AREL1: variants seen among roughly 807,000 people sequenced by gnomAD.
The protein encoded by AREL1 is apoptosis resistant E3 ubiquitin protein ligase 1, also known as apoptosis-resistant E3 ubiquitin protein ligase 1.
A neutral mutation model predicts 99.0 loss-of-function variants in AREL1; 62 were observed. The observed-to-expected ratio is 0.63, with a 90% CI of 0.51 to 0.77. The LOEUF is 0.77. Among genes scored for constraint, AREL1 ranks in the 30% least tolerant of loss-of-function variants. The pLI, the probability that AREL1 is intolerant of heterozygous loss-of-function variation, is 0.00. For missense variants in AREL1, 879 were observed against 1,027.6 expected (o/e 0.86, Z 1.98); for synonymous variants, 380 against 376.5 (o/e 1.01, Z -0.11).
At chr14:74,684,081 A>G (rs1050454357) in intron 4 of AREL1, among the ~76,000 whole-genome samples, 4 of 152,200 alleles carry the variant, frequency 2.6e-5, no homozygotes, top group African/African-American at 9.7e-5. Flanking sequence ...CAACTGTCAT[A>G]ACTACTCAGG....
Position 74,676,564 on chromosome 14 carries a change from A to C in AREL1, c.651+19T>G. The C allele has an allele frequency of 6.2e-7, 1 of 1,608,730 alleles. No homozygotes were observed. The highest frequency in any genetic ancestry group is 8.5e-7 in the Non-Finnish European group (1 of 1,177,732). ...GCCAGCTCTCTCTAGCACACAGATA[A>C]AGAAGGGAGACTGCTTACCTCATGA... On this transcript the variant is annotated intron_variant, in intron 6 of 19. Coordinates refer to ENST00000356357, the MANE Select transcript of AREL1 (RefSeq NM_001039479.2).
intron 17 of AREL1, among the ~76,000 whole-genome samples, chr14:74,666,718 A>ATTT (rs71449202): frequency 7.6e-6 from 1 of 132,002 alleles, no homozygotes; most frequent in African/African-American, 2.9e-5. Flanking sequence ...CTACTCATTG[A>ATTT]TTTTTTTTTT....
intron 2 of AREL1, among the ~76,000 whole-genome samples, chr14:74,686,264 G>A (rs1263226226): frequency 6.6e-6 from 1 of 152,168 alleles, no homozygotes; most frequent in African/African-American, 2.4e-5. Flanking sequence ...GAGCTCAGCA[G>A]AAAGACCAAG....
intron 1 of AREL1, among the ~76,000 whole-genome samples, chr14:74,703,508 T>C (rs1373769015): frequency 3.3e-5 from 5 of 152,188 alleles, no homozygotes; most frequent in Non-Finnish European, 5.9e-5. Context: ...GAATTAAACA[T>C]GTTAAGTTTG....
At chr14:74,676,835 C>T (rs531616123) in intron 5 of AREL1, 83 bp from the exon 6 acceptor site, 82 of 1,172,700 alleles carry the variant, frequency 7.0e-5, no homozygotes, top group South Asian at 3.4e-4. Context: ...CTCGCTCTTT[C>T]GCCCAGGCTG....
At chr14:74,693,351 G>A (rs1205106632) in intron 1 of AREL1, among the ~76,000 whole-genome samples, 1 of 152,198 alleles carries the variant, frequency 6.6e-6, no homozygotes, top group African/African-American at 2.4e-5. Flanking sequence ...GGGAAAATCT[G>A]TGAACTTTCA....
At chr14:74,681,887 A>AT (rs2089638252) in intron 5 of AREL1, among the ~76,000 whole-genome samples, 1 of 152,198 alleles carries the variant, frequency 6.6e-6, no homozygotes, top group African/African-American at 2.4e-5. Flanking sequence ...GACTGTATCA[A>AT]TGTCAATAAC....
At chr14:74,667,421 T>A in intron 16 of AREL1, 44 bp from the exon 17 acceptor site, 1 of 1,614,200 alleles carries the variant, frequency 6.2e-7, no homozygotes, top group African/African-American at 1.3e-5. Context: ...ACACCATGGA[T>A]ACAGGTATTT....
At chr14:74,683,573 G>A (rs1356683561) in intron 4 of AREL1, 40 bp from the exon 5 acceptor site, 13 of 1,589,564 alleles carry the variant, frequency 8.2e-6, no homozygotes, top group Admixed American at 5.1e-5. Context: ...AGCAAGCAGA[G>A]GAAAAAAACA....
At chr14:74,710,124 G>A (rs182865178) in intron 1 of AREL1, among the ~76,000 whole-genome samples, 9 of 152,216 alleles carry the variant, frequency 5.9e-5, no homozygotes, top group Admixed American at 3.3e-4. Flanking sequence ...TCCCAGCTTC[G>A]CATCCCCCAC....
intron 1 of AREL1, among the ~76,000 whole-genome samples, chr14:74,710,748 T>G (rs1409864122): frequency 6.6e-6 from 1 of 152,142 alleles, no homozygotes; most frequent in Non-Finnish European, 1.5e-5. Context: ...AAAAATTCAG[T>G]GCCCACAGAT....
chr14:74,712,684 C>G (rs1566710835), intron 1 of AREL1, among the ~76,000 whole-genome samples: 1 of 151,930 alleles, frequency 6.6e-6, no homozygotes, highest in Non-Finnish European at 1.5e-5. Flanking sequence ...GGTATATACT[C>G]GAGAACAATC....
At chr14:74,705,114 A>T (rs921975689) in intron 1 of AREL1, among the ~76,000 whole-genome samples, 3 of 151,166 alleles carry the variant, frequency 2.0e-5, no homozygotes, top group Non-Finnish European at 4.4e-5. Flanking sequence ...ATCTCGGCTC[A>T]CCGCAACCTC....
intron 14 of AREL1, 29 bp downstream of exon 14, chr14:74,669,918 T>C (rs776323663): frequency 1.3e-6 from 2 of 1,586,450 alleles, no homozygotes; most frequent in African/African-American, 1.4e-5. Context: ...CCAGGGGCCT[T>C]AGTAGGAAAT....
intron 1 of AREL1, among the ~76,000 whole-genome samples, chr14:74,696,467 G>C (rs2089981017): frequency 6.6e-6 from 1 of 151,984 alleles, no homozygotes. Flanking sequence ...TAGTATCTCG[G>C]GGACCAAATA....
In AREL1 at chr14:74,667,396, GT is replaced by G; in HGVS notation, c.2045-20del. On this transcript the variant is annotated intron_variant, in intron 16 of 19. Transcript: ENST00000356357. ...TTCAGGCCTGAAACAAAGTAGGCAA[GT>G]TAAAGTCATACCCACACCATGGATA... 1 of 1,614,166 alleles carries G rather than the reference GT, an allele frequency of 6.2e-7. No homozygotes were observed. The highest frequency in any genetic ancestry group is 1.1e-5 in the South Asian group (1 of 91,084).
chr14:74,709,680 A>G (rs1594774158), intron 1 of AREL1, among the ~76,000 whole-genome samples: 1 of 152,252 alleles, frequency 6.6e-6, no homozygotes, highest in African/African-American at 2.4e-5. Flanking sequence ...CAGGCAAGTT[A>G]ATTGAAAAAT....
At chr14:74,703,081 CA>C in intron 1 of AREL1, among the ~76,000 whole-genome samples, 1 of 152,308 alleles carries the variant, frequency 6.6e-6, no homozygotes, top group South Asian at 2.1e-4. Flanking sequence ...TCCATATTTT[CA>C]GGTATCTTTA....
intron 1 of AREL1, among the ~76,000 whole-genome samples, chr14:74,703,776 T>C (rs2090128169): frequency 6.6e-6 from 1 of 152,222 alleles, no homozygotes; most frequent in African/African-American, 2.4e-5. Flanking sequence ...TTTGGTGGTA[T>C]CATAGATAAA....
Sources: allele counts gnomAD v4.1 joint callset (sites outside exome capture counted in the v4.1 genomes callset), GRCh38; gene constraint gnomAD v4.1.1; transcripts MANE v1.5; gene names NCBI Gene and HGNC (gene_info 2026-07-23, HGNC 2026-07-21).